Variants in DIXDC1 observed in about 807,000 individuals in gnomAD.
DIXDC1 encodes dixin.
In DIXDC1, 64 loss-of-function variants were observed where a neutral mutation model predicts 103.1. That is an observed-to-expected ratio of 0.62 (90% confidence interval 0.51 to 0.76). DIXDC1 has a LOEUF of 0.76. Ranked by LOEUF, DIXDC1 falls within the 30% of genes least tolerant of loss-of-function variation. The probability of loss-of-function intolerance (pLI) is 0.00; values close to 1 mark genes in which losing one functional copy is unlikely to be tolerated. For missense variants in DIXDC1, 759 were observed against 834.2 expected (o/e 0.91, Z 1.11); for synonymous variants, 266 against 298.5 (o/e 0.89, Z 1.12).
In DIXDC1 at chr11:111,937,554, A is replaced by G. The variant is rs199945833; in HGVS notation, c.55A>G (p.Asn19Asp). 1,098 of 1,592,196 alleles carry G rather than the reference A, an allele frequency of 6.9e-4. 6 individuals carry two copies. In the Admixed American group the frequency reaches 9.1e-3, roughly 13 times the overall value. Residue 19 changes from asparagine to aspartate, a missense_variant, in exon 1 of 20, where the codon AAT (asparagine) becomes GAT (aspartate). By Grantham distance (23) the Asn-to-Asp change is conservative (BLOSUM62 1). Coordinates refer to ENST00000440460, the MANE Select transcript of DIXDC1 (RefSeq NM_001037954.4). ...ACTGGACGTCCTGCAGGAGGGCTTC[A>G]ATGAGGTAACTGTCCTGCTCCTCCC... Reference protein sequence around the residue: ...NLLDVLQEGFNEQQLQAYVAW... With the variant: ...NLLDVLQEGFDEQQLQAYVAW...
At chr11:111,966,305 C>T (rs1859729588) in intron 2 of DIXDC1, among the ~76,000 whole-genome samples, 1 of 149,748 alleles carries the variant, frequency 6.7e-6, no homozygotes, top group South Asian at 2.1e-4. Flanking sequence ...TCACTGCAGC[C>T]TCCACCTTCT....
Position 111,964,540 on chromosome 11 carries a change from AT to A in DIXDC1, c.61-5del. Reference sequence around the variant, plus strand: ...TCTCTTTCCCTTACTTATATCTTTTATTTTCCAGCAACAGCTGCAGGCCTAT... The same window carrying A: ...TCTCTTTCCCTTACTTATATCTTTTATTTCCAGCAACAGCTGCAGGCCTAT... On this transcript the variant is annotated splice_region_variant and splice_polypyrimidine_tract_variant and intron_variant, in intron 1 of 19. Transcript: ENST00000440460. The A allele has an allele frequency of 6.3e-7, 1 of 1,585,932 alleles. No homozygotes were observed. The highest frequency in any genetic ancestry group is 2.3e-5 in the East Asian group (1 of 44,084).
intron 17 of DIXDC1, among the ~76,000 whole-genome samples, chr11:112,016,451 T>G (rs1555177722): frequency 6.6e-6 from 1 of 152,176 alleles, no homozygotes; most frequent in Non-Finnish European, 1.5e-5. Context: ...TCATATCAGT[T>G]GCTGTTCCCC....
At chr11:111,962,372 C>T (rs587738009) in intron 1 of DIXDC1, among the ~76,000 whole-genome samples, 39 of 152,066 alleles carry the variant, frequency 2.6e-4, no homozygotes, top group African/African-American at 7.5e-4. Context: ...GTCCCAGCTA[C>T]TTGGGAGGCT....
chr11:111,997,020 C>G (rs1370741030), intron 17 of DIXDC1, among the ~76,000 whole-genome samples: 5 of 152,104 alleles, frequency 3.3e-5, no homozygotes, highest in African/African-American at 9.7e-5. Context: ...CTGGTAATTT[C>G]TATTTTAGTT....
chr11:111,948,286 C>T (rs1344367772), intron 1 of DIXDC1, among the ~76,000 whole-genome samples: 3 of 152,244 alleles, frequency 2.0e-5, no homozygotes, highest in Admixed American at 6.5e-5. Flanking sequence ...CACGGTCCTA[C>T]ATTCCCATTA....
At position 111,995,500 on chromosome 11, in the gene DIXDC1, AG is replaced by A; in HGVS notation, c.1628del (p.Gly543AlafsTer31). The A allele has an allele frequency of 6.2e-7, 1 of 1,614,032 alleles. No individual in the cohort carries two copies. The highest frequency in any genetic ancestry group is 8.5e-7 in the Non-Finnish European group (1 of 1,179,908). ...CACCACACTATTGACAGCTTGGAGC[AG>A]GGCATTTCTAGCCTCATGGAGCGCC... ...PQHHTIDSLE[Q>X]GISSLMERLH... On this transcript the variant is annotated frameshift_variant, in exon 16 of 20. Coordinates refer to ENST00000440460, the MANE Select transcript of DIXDC1 (RefSeq NM_001037954.4). LOFTEE classifies it high-confidence loss of function.
At chr11:111,941,208 G>A (rs587673233) in intron 1 of DIXDC1, among the ~76,000 whole-genome samples, 1 of 152,350 alleles carries the variant, frequency 6.6e-6, no homozygotes, top group East Asian at 1.9e-4. Context: ...TTGAACCTGG[G>A]AGGTTGAGAT....
intron 14 of DIXDC1, among the ~76,000 whole-genome samples, chr11:111,994,636 A>G: frequency 6.7e-6 from 1 of 150,044 alleles, no homozygotes; most frequent in Admixed American, 6.7e-5. Flanking sequence ...ATATGTATGA[A>G]TATATATATA....
intron 7 of DIXDC1, 39 bp from the exon 8 acceptor site, chr11:111,985,193 A>C: frequency 3.9e-6 from 6 of 1,520,750 alleles, no homozygotes; most frequent in Non-Finnish European, 4.5e-6. Flanking sequence ...AGTCATCTGA[A>C]GGAGAGTTAA....
intron 1 of DIXDC1, among the ~76,000 whole-genome samples, chr11:111,927,614 C>T (rs1239672618): frequency 4.6e-5 from 7 of 152,138 alleles, no homozygotes; most frequent in African/African-American, 1.4e-4. Flanking sequence ...GATCTGTTCT[C>T]CGTTCTCCCC....
chr11:111,977,358 GCCTGCGCCGCCGGGAGCCTCCCTC>G lies in DIXDC1; in HGVS notation c.656+2378_656+2401del. The G allele has an allele frequency of 9.4e-7, 1 of 1,069,028 alleles. No homozygotes were observed. Among genetic ancestry groups the G allele is most frequent in the East Asian group, 1.0e-4 (1 of 9,908 alleles). 66.2% of individuals were successfully genotyped at this position (1,069,028 alleles called of 1,614,324 possible). A position where few individuals can be genotyped will look rare whatever the true frequency, so the allele number is the denominator to read the frequency against. ...ATCGCCGCTGGGGACTCGAGGCGCA[GCCTGCGCCGCCGGGAGCCTCCCTC>G]CCAGTGGGAGATGGGTTGAGATGCC... On this transcript the variant is annotated intron_variant, in intron 5 of 19. Transcript: ENST00000440460. This position sits in a 1 kb window ranked among gnomAD's most constrained non-coding sequence, Gnocchi z 6.1.
rs782054347 is a variant in DIXDC1 at position 112,018,914 on chromosome 11, A to G, written c.1972-42A>G. On this transcript the variant is annotated intron_variant, in intron 19 of 19. Coordinates refer to ENST00000440460, the MANE Select transcript of DIXDC1 (RefSeq NM_001037954.4). ...TAGCAGCAATTGTTTAGTGAATCAG[A>G]TTCCCTGTTTTTTCACTGTGGCTTT... 30 of 1,553,710 alleles carry G rather than the reference A, an allele frequency of 1.9e-5. No individual in the cohort carries two copies. In the African/African-American group the frequency reaches 2.6e-4, roughly 13 times the overall value.
intron 1 of DIXDC1, among the ~76,000 whole-genome samples, chr11:111,955,339 C>CA (rs869169346): frequency 0.026 from 1,271 of 49,298 alleles, 16 homozygotes; most frequent in East Asian, 0.044. Context: ...GAGACCCTGT[C>CA]AAAAAAAAAA....
At chr11:111,941,837 T>TACACAC (rs10635444) in intron 1 of DIXDC1, among the ~76,000 whole-genome samples, 10,466 of 139,154 alleles carry the variant, frequency 0.075, 474 homozygotes, top group African/African-American at 0.13. Flanking sequence ...CGAAACAAAA[T>TACACAC]ACACACACAC....
intron 16 of DIXDC1, 32 bp downstream of exon 16, chr11:111,995,596 C>T: frequency 6.2e-7 from 1 of 1,608,920 alleles, no homozygotes; most frequent in Non-Finnish European, 8.5e-7. Context: ...CTCTCTTAGG[C>T]AAGCTCCTGA....
At chr11:111,986,429 A>G (rs1340310947) in intron 8 of DIXDC1, among the ~76,000 whole-genome samples, 2 of 140,460 alleles carry the variant, frequency 1.4e-5, no homozygotes, top group Non-Finnish European at 3.0e-5. Flanking sequence ...CAGTGGCACG[A>G]TCTTGGCTCA....
intron 1 of DIXDC1, 109 bp downstream of exon 1, chr11:111,937,668 A>T: frequency 8.6e-7 from 1 of 1,160,750 alleles, no homozygotes; most frequent in East Asian, 2.6e-5. Flanking sequence ...CCCAGAGCAA[A>T]TCGCCCCCAG....
In DIXDC1 at chr11:111,937,433, G is replaced by A. The variant is rs1305805961; in HGVS notation, c.-67G>A. The A allele has an allele frequency of 3.9e-6, 6 of 1,537,878 alleles. No homozygotes were observed. The highest frequency in any genetic ancestry group is 5.3e-6 in the Non-Finnish European group (6 of 1,141,174). On this transcript the variant is annotated 5_prime_UTR_variant, in exon 1 of 20. Coordinates refer to ENST00000440460, the MANE Select transcript of DIXDC1 (RefSeq NM_001037954.4). ...GAGCCGAGAGCCTTTGTGTGCAGAG[G>A]GAGGAGGAGGAGGCGGCGGCGGCCG...
Sources: gnomAD v4.1 joint callset for allele counts (sites outside exome capture counted in the v4.1 genomes callset) on GRCh38, gnomAD v4.1.1 for gene constraint, Gnocchi (gnomAD v3.1) non-coding constraint, MANE v1.5 for transcripts, NCBI Gene and HGNC (gene_info 2026-07-23, HGNC 2026-07-21) for gene names.